DNM1L: variants seen among roughly 807,000 people sequenced by gnomAD.
DNM1L encodes the protein dynamin 1L.
Under a neutral mutation model 92.8 loss-of-function variants are expected in DNM1L, and 33 were observed. The ratio of observed to expected loss-of-function variants is 0.36; its 90% CI spans 0.27 to 0.48. The LOEUF is 0.48. Ranked by LOEUF, DNM1L falls within the 20% of genes least tolerant of loss-of-function variation. DNM1L has a pLI of 0.99. For missense variants in DNM1L, 485 were observed against 888.8 expected, an observed-to-expected ratio of 0.55 and a Z score of 5.78; for synonymous variants, 284 against 305.0, an observed-to-expected ratio of 0.93 and a Z score of 0.72.
At chr12:32,732,956 C>T (rs374428668) in intron 12 of DNM1L, among the ~76,000 whole-genome samples, 127 of 152,168 alleles carry the variant, frequency 8.3e-4, no homozygotes, top group African/African-American at 2.6e-3. Flanking sequence ...ATTAGCCGGG[C>T]GTGGTGGTGC....
At chr12:32,684,803 A>G (rs1592559018) in intron 1 of DNM1L, among the ~76,000 whole-genome samples, 1 of 152,184 alleles carries the variant, frequency 6.6e-6, no homozygotes. Context: ...GCATGGCAGA[A>G]TAATAAATAT....
Position 32,713,845 on chromosome 12 carries a change from A to T in DNM1L, c.619+474A>T, listed in dbSNP as rs556638967. Among the ~76,000 whole-genome samples the T allele has an allele frequency of 1.2e-3, 190 of 152,312 alleles. 1 individual carries two copies. The highest frequency in any genetic ancestry group is 3.9e-3 in the African/African-American group (162 of 41,576). On this transcript the variant is annotated intron_variant, in intron 6 of 19. Transcript: ENST00000549701. ...CCAAAACACAGTAGGTAATCATTGT[A>T]GATTATTATGGTACAGTAGAGAATT...
chr12:32,705,699 T>G, intron 2 of DNM1L: 1 of 857,792 alleles, frequency 1.2e-6, no homozygotes, highest in Non-Finnish European at 1.8e-6. Flanking sequence ...CAGTAAATTT[T>G]GAATAATTGA....
chr12:32,742,887 T>TA, intron 19 of DNM1L, 139 bp downstream of exon 19: 66 of 412,638 alleles, frequency 1.6e-4, no homozygotes, highest in Non-Finnish European at 2.4e-4. Context: ...TTGATAAGAA[T>TA]CTTTTTTTTT....
chr12:32,717,932 A>AG lies in DNM1L; in HGVS notation c.620-711_620-710insG, dbSNP rs1565518981. Among the ~76,000 whole-genome samples, 415 of 81,394 alleles carry AG rather than the reference A, an allele frequency of 5.1e-3. 16 individuals are homozygous for AG. Among genetic ancestry groups the AG allele is most frequent in the African/African-American group, 0.021 (382 of 18,342 alleles). The allele number at this position is 81,394 out of a possible 152,430, so 53.4% of individuals were successfully genotyped here. A position where few individuals can be genotyped will look rare whatever the true frequency, so the allele number is the denominator to read the frequency against. The stretch of plus-strand genomic sequence containing the variant: ...ATATATAAAATATAGTATATATTTT[A>AG]TATATATATAAAATATAGTATATAT... On this transcript the variant is annotated intron_variant, in intron 6 of 19. Coordinates refer to ENST00000549701, the MANE Select transcript of DNM1L (RefSeq NM_012062.5).
chr12:32,708,475 T>C lies in DNM1L; in HGVS notation c.369+251T>C, dbSNP rs184532964. On this transcript the variant is annotated intron_variant, in intron 4 of 19. Transcript: ENST00000549701. Reference sequence around the variant, plus strand: ...ATATAAATCAAATATTTTATTTAGATGTTTATTGTTGTTCCTGTCATGTAC... The same window carrying C: ...ATATAAATCAAATATTTTATTTAGACGTTTATTGTTGTTCCTGTCATGTAC... Among the ~76,000 whole-genome samples the C allele has an allele frequency of 2.2e-3, 331 of 152,308 alleles. 9 individuals are homozygous for C. The East Asian group carries it at 0.035, about 16-fold the overall frequency.
intron 1 of DNM1L, among the ~76,000 whole-genome samples, chr12:32,681,796 G>A (rs1374744367): frequency 6.6e-6 from 1 of 151,942 alleles, no homozygotes; most frequent in Non-Finnish European, 1.5e-5. Flanking sequence ...TCTGTACTTA[G>A]TTCTGCCTAG....
At position 32,742,888 on chromosome 12, in the gene DNM1L, CTTTTTTTTTT is replaced by C. The variant is rs36039451; in HGVS notation, c.2154+156_2154+165del. On this transcript the variant is annotated intron_variant, in intron 19 of 19. Transcript: ENST00000549701. ...TTTCCTGTTGGTACTTGATAAGAAT[CTTTTTTTTTT>C]TTTTTTTTTTTTTTTGAGTGGGAGT... 1,839 of 248,784 alleles carry C rather than the reference CTTTTTTTTTT, an allele frequency of 7.4e-3. 38 individuals carry two copies. The African/African-American group carries it at 0.076, about 10-fold the overall frequency. 15.4% of individuals were successfully genotyped at this position (248,784 alleles called of 1,614,324 possible).
intron 2 of DNM1L, chr12:32,705,838 GA>G: frequency 6.3e-7 from 1 of 1,597,994 alleles, no homozygotes; most frequent in Non-Finnish European, 8.5e-7. Flanking sequence ...CTGCTACATG[GA>G]AAAACTCAAG....
chr12:32,738,373 A>ACTGTTATACC (rs1955048980), intron 16 of DNM1L, 77 bp downstream of exon 16: 1 of 1,501,726 alleles, frequency 6.7e-7, no homozygotes, highest in African/African-American at 1.4e-5. Flanking sequence ...ACCATTAAAG[A>ACTGTTATACC]ACCTGTTTGT....
chr12:32,729,446 T>G (rs1418922041), intron 9 of DNM1L, among the ~76,000 whole-genome samples: 2 of 152,116 alleles, frequency 1.3e-5, no homozygotes, highest in African/African-American at 4.8e-5. Flanking sequence ...TAACCTCTAA[T>G]TTAATTAATT....
At chr12:32,716,096 C>T (rs972535969) in intron 6 of DNM1L, among the ~76,000 whole-genome samples, 2 of 152,146 alleles carry the variant, frequency 1.3e-5, no homozygotes, top group Non-Finnish European at 2.9e-5. Context: ...TACAAGAACA[C>T]GGATGAATCT....
chr12:32,728,540 T>C (rs116658466), intron 9 of DNM1L: 303 of 152,330 alleles, frequency 2.0e-3, no homozygotes, highest in African/African-American at 7.0e-3. Context: ...ATTATCTGTG[T>C]CCACCTAATC....
intron 8 of DNM1L, among the ~76,000 whole-genome samples, chr12:32,721,743 C>T (rs1474101796): frequency 2.6e-5 from 4 of 152,086 alleles, no homozygotes; most frequent in Non-Finnish European, 4.4e-5. Flanking sequence ...AAGACTGCCC[C>T]CAAGTCAGAT....
At chr12:32,715,549 A>C (rs1953324889) in intron 6 of DNM1L, among the ~76,000 whole-genome samples, 1 of 152,002 alleles carries the variant, frequency 6.6e-6, no homozygotes, top group East Asian at 1.9e-4. Context: ...CCTGACCAAC[A>C]TGGTGAAACC....
At chr12:32,722,741 T>A in intron 9 of DNM1L, 108 bp downstream of exon 9, 1 of 843,894 alleles carries the variant, frequency 1.2e-6, no homozygotes, top group Non-Finnish European at 1.9e-6. Flanking sequence ...TTATTTTCTA[T>A]AAAACAAAAA....
At chr12:32,726,889 A>C in intron 9 of DNM1L, 1 of 661,218 alleles carries the variant, frequency 1.5e-6, no homozygotes, top group Non-Finnish European at 2.7e-6. Context: ...TCATTTGTAA[A>C]ATATTTACTG....
rs1204278264 is a variant in DNM1L at position 32,737,845 on chromosome 12, C to G, written c.1597-20C>G. The G allele has an allele frequency of 6.2e-7, 1 of 1,610,238 alleles. No individual in the cohort carries two copies. The highest frequency in any genetic ancestry group is 8.5e-7 in the Non-Finnish European group (1 of 1,176,888). On this transcript the variant is annotated intron_variant, in intron 14 of 19. Transcript: ENST00000549701. ...TTTGCATCCTTGATTTTTTTTCCCC[C>G]CTGGATTTTTTGCCTTTAGTCTTCT...
At chr12:32,708,105 T>G in intron 3 of DNM1L, 48 bp from the exon 4 acceptor site, 2 of 1,177,434 alleles carry the variant, frequency 1.7e-6, no homozygotes, top group East Asian at 2.4e-5. Flanking sequence ...CTTAAGAACT[T>G]TTGATCTTAT....
Sources: gnomAD v4.1 joint callset for allele counts (sites outside exome capture counted in the v4.1 genomes callset) on GRCh38, gnomAD v4.1.1 for gene constraint, MANE v1.5 for transcripts, NCBI Gene and HGNC (gene_info 2026-07-23, HGNC 2026-07-21) for gene names.